The following AACS variants were observed in gnomAD, a reference collection of about 807,000 sequenced individuals.
The protein encoded by AACS is acetoacetyl-CoA synthetase.
A neutral mutation model predicts 83.1 loss-of-function variants in AACS; 69 were observed. The observed-to-expected ratio is 0.83, with a 90% confidence interval of 0.68 to 1.01. The LOEUF (loss-of-function observed/expected upper bound fraction) is 1.01, where lower values mean the gene tolerates loss of function less well. Among genes scored for constraint, AACS ranks in the 50% least tolerant of loss-of-function variants. AACS has a pLI of 0.00. For synonymous variants in AACS, 333 were observed against 343.4 expected, an observed-to-expected ratio of 0.97 and a Z score of 0.33; for missense variants, 866 against 882.2, an observed-to-expected ratio of 0.98 and a Z score of 0.23.
At chr12:125,098,537 T>G (rs1247752680) in intron 5 of AACS, among the ~76,000 whole-genome samples, 1 of 151,772 alleles carries the variant, frequency 6.6e-6, no homozygotes, top group Admixed American at 6.6e-5. Context: ...CTGCAACCTC[T>G]GCCTCCCAGG....
At chr12:125,083,597 G>A (rs1434682177) in intron 3 of AACS, among the ~76,000 whole-genome samples, 2 of 151,662 alleles carry the variant, frequency 1.3e-5, no homozygotes, top group Non-Finnish European at 2.9e-5. Context: ...GTAAGCTTGT[G>A]TCACTTTTAA....
chr12:125,126,419 GT>G (rs1352373794), intron 12 of AACS: 13 of 152,252 alleles, frequency 8.5e-5, no homozygotes, highest in Non-Finnish European at 1.6e-4. Flanking sequence ...GAGATGTTCT[GT>G]GCATAGGTGA....
chr12:125,071,630 C>T (rs919693801), intron 1 of AACS, among the ~76,000 whole-genome samples: 3 of 152,072 alleles, frequency 2.0e-5, no homozygotes, highest in African/African-American at 4.8e-5. Flanking sequence ...CTGGTAGAGG[C>T]GGGGAGCGTG....
In AACS at chr12:125,076,367, A is replaced by G. The variant is rs557481284; in HGVS notation, c.238-124A>G. ...AATGATTTAAAAATGCTCTGGGCCA[A>G]TGAGTGAGCTGGCTTCCTGGGAAGA... On this transcript the variant is annotated intron_variant, in intron 2 of 17. Transcript: ENST00000316519. 2.6e-4 allele frequency: 349 copies of G among 1,345,628 alleles called. 3 individuals are homozygous for G. The South Asian group carries it at 4.4e-3, about 17-fold the overall frequency. The allele number at this position is 1,345,628 out of a possible 1,614,324, so 83.4% of individuals were successfully genotyped here.
At position 125,098,973 on chromosome 12, in the gene AACS, G is replaced by T. The variant is rs546831091; in HGVS notation, c.571-3706G>T. Among the ~76,000 whole-genome samples the T allele has an allele frequency of 5.9e-5, 9 of 152,270 alleles. No homozygotes were observed. In the South Asian group the frequency reaches 1.9e-3, roughly 32 times the overall value. ...GGGTGTTCGGCACAGGTGCAGGTGG[G>T]CTGGGGGTGGGCGTCTTGCATGTCC... On this transcript the variant is annotated intron_variant, in intron 5 of 17. Transcript: ENST00000316519.
intron 1 of AACS, among the ~76,000 whole-genome samples, chr12:125,068,308 A>G (rs1258389995): frequency 6.6e-6 from 1 of 152,062 alleles, no homozygotes; most frequent in African/African-American, 2.4e-5. Context: ...AAATACAAAA[A>G]ATTATCTGGG....
intron 10 of AACS, chr12:125,122,570 G>C (rs1279708469): frequency 2.6e-5 from 4 of 151,032 alleles, no homozygotes; most frequent in Admixed American, 6.6e-5. Context: ...TTGAACCCTG[G>C]AGGCAGATGT....
intron 16 of AACS, 32 bp downstream of exon 16, chr12:125,134,884 G>A (rs1957380430): frequency 6.2e-7 from 1 of 1,613,502 alleles, no homozygotes; most frequent in Admixed American, 1.7e-5. Flanking sequence ...GCGTTCTCCA[G>A]TCTCCAGGAA....
At chr12:125,076,673 CGGTGCCACAT>C in intron 3 of AACS, 62 bp downstream of exon 3, 1 of 1,598,762 alleles carries the variant, frequency 6.3e-7, no homozygotes, top group Non-Finnish European at 8.5e-7. Flanking sequence ...TGCATGCATG[CGGTGCCACAT>C]ATTTGGAGAG....
intron 5 of AACS, 64 bp from the exon 6 acceptor site, chr12:125,102,615 C>T: frequency 7.0e-7 from 1 of 1,431,374 alleles, no homozygotes. Context: ...CAGGCACCCA[C>T]CACCATGCCT....
chr12:125,116,446 C>A (rs1957053865), intron 9 of AACS, among the ~76,000 whole-genome samples: 1 of 152,016 alleles, frequency 6.6e-6, no homozygotes, highest in Admixed American at 6.6e-5. Context: ...CACCTGTGTT[C>A]TTTTATTTTT....
intron 17 of AACS, chr12:125,138,904 A>AGGAACTGGACCCGCTTCAGGGTC (rs1957438102): frequency 6.6e-6 from 1 of 150,896 alleles, no homozygotes; most frequent in Non-Finnish European, 1.5e-5. Flanking sequence ...CTGCCCATTC[A>AGGAACTGGACCCGCTTCAGGGTC]GGAACTGGAC....
At chr12:125,098,453 C>CTT (rs796960647) in intron 5 of AACS, among the ~76,000 whole-genome samples, 10 of 143,506 alleles carry the variant, frequency 7.0e-5, no homozygotes, top group Non-Finnish European at 7.7e-5. Context: ...TTCTCATTAC[C>CTT]TTTTTTTTTT....
chr12:125,103,791 A>G (rs1956769987), intron 7 of AACS, among the ~76,000 whole-genome samples: 1 of 151,962 alleles, frequency 6.6e-6, no homozygotes, highest in Non-Finnish European at 1.5e-5. Context: ...GATCGAGACC[A>G]TCCTGGCTAA....
intron 4 of AACS, chr12:125,091,072 A>C (rs562038778): frequency 3.2e-6 from 1 of 317,216 alleles, no homozygotes; most frequent in Admixed American, 3.9e-5. Flanking sequence ...GTGTGCGTGG[A>C]GGAGTGTTCA....
chr12:125,084,063 C>T (rs549796151), intron 3 of AACS, among the ~76,000 whole-genome samples: 38 of 152,116 alleles, frequency 2.5e-4, no homozygotes, highest in Admixed American at 1.1e-3. Flanking sequence ...TGCGGTGGTT[C>T]GCGCCTGTAA....
chr12:125,090,053 AT>A, intron 4 of AACS, among the ~76,000 whole-genome samples: 1 of 32,312 alleles, frequency 3.1e-5, no homozygotes. Context: ...CTACCCATCC[AT>A]CCCTCATCCA....
Position 125,118,760 on chromosome 12 carries a change from G to A in AACS, c.1116G>A (p.Arg372=). 6.2e-7 allele frequency: 1 copy of A among 1,614,098 alleles called. No homozygotes were observed. The highest frequency in any genetic ancestry group is 8.5e-7 in the Non-Finnish European group (1 of 1,179,968). ...ATGTGCTCTGGGACCTGGTTGACAGGATAGGGTAGGTACCAAGATGCTGTG... is the reference window on the plus strand; with the variant it reads ...ATGTGCTCTGGGACCTGGTTGACAGAATAGGGTAGGTACCAAGATGCTGTG... The part of the protein sequence containing the change: ...TPNVLWDLVD[R]IGITVLVTGA... Residue 372 remains arginine, a synonymous_variant, in exon 10 of 18, where the codon AGG becomes AGA. Transcript: ENST00000316519.
At chr12:125,128,046 T>C in intron 12 of AACS, 115 bp from the exon 13 acceptor site, 1 of 662,106 alleles carries the variant, frequency 1.5e-6, no homozygotes, top group Non-Finnish European at 2.5e-6. Flanking sequence ...TTGCAGTGTT[T>C]GTCTGGGAGA....
Sources: allele counts gnomAD v4.1 joint callset (sites outside exome capture counted in the v4.1 genomes callset), GRCh38; gene constraint gnomAD v4.1.1; transcripts MANE v1.5; gene names NCBI Gene and HGNC (gene_info 2026-07-23, HGNC 2026-07-21).